The following SEPTIN14 variants were observed in gnomAD, a reference collection of about 807,000 sequenced individuals.
SEPTIN14 encodes the protein septin 14, also known as septin-14.
SEPTIN14 carries 40 observed loss-of-function variants against 53.6 expected under a neutral mutation model. That is an observed-to-expected ratio of 0.75 (90% CI 0.58 to 0.97). SEPTIN14 has a LOEUF of 0.97. Among genes scored for constraint, SEPTIN14 ranks in the 50% least tolerant of loss-of-function variants. The pLI is 0.00. For missense variants in SEPTIN14, 471 were observed against 508.2 expected, an observed-to-expected ratio of 0.93 and a Z score of 0.70; for synonymous variants, 138 against 166.8, an observed-to-expected ratio of 0.83 and a Z score of 1.33.
Position 55,819,272 on chromosome 7 carries a change from T to G in SEPTIN14, c.721-49A>C, listed in dbSNP as rs1788850365. 4.2e-6 allele frequency: 5 copies of G among 1,185,144 alleles called. No homozygotes were observed. In the South Asian group the frequency reaches 6.5e-5, roughly 15 times the overall value. 73.4% of individuals were successfully genotyped at this position (1,185,144 alleles called of 1,614,324 possible). ...TTGAATTCTCTAGCACCATTAGAGC[T>G]TACTCTATTACTCTCATTCCTGTTA... On this transcript the variant is annotated intron_variant, in intron 6 of 9. Coordinates refer to ENST00000388975, the MANE Select transcript of SEPTIN14 (RefSeq NM_207366.3).
chr7:55,838,543 C>T (rs1455089191), intron 5 of SEPTIN14, among the ~76,000 whole-genome samples: 8 of 113,910 alleles, frequency 7.0e-5, no homozygotes, highest in African/African-American at 2.3e-4. Context: ...CTTCCTCCCT[C>T]CCTTCCTTCC....
rs781429154 is a variant in SEPTIN14 at position 55,843,135 on chromosome 7, A to G, written c.372-7T>C. The G allele has an allele frequency of 1.3e-6, 2 of 1,541,024 alleles. No individual in the cohort carries two copies. The highest frequency in any genetic ancestry group is 1.7e-6 in the Non-Finnish European group (2 of 1,146,600). On this transcript the variant is annotated splice_region_variant and splice_polypyrimidine_tract_variant and intron_variant, in intron 4 of 9. Coordinates refer to ENST00000388975, the MANE Select transcript of SEPTIN14 (RefSeq NM_207366.3). ...GTCAACTATTGGTTGGTAGCTAAAA[A>G]AAAATTTATACATTTAGCATAACAG...
chr7:55,813,300 A>C (rs1034261501), intron 7 of SEPTIN14, among the ~76,000 whole-genome samples: 1 of 152,140 alleles, frequency 6.6e-6, no homozygotes, highest in South Asian at 2.1e-4. Context: ...CCCATGCCAG[A>C]GATAGATAGG....
chr7:55,809,483 G>T (rs1325655174), intron 7 of SEPTIN14, among the ~76,000 whole-genome samples: 1 of 151,516 alleles, frequency 6.6e-6, no homozygotes, highest in African/African-American at 2.4e-5. Context: ...AGCCTCTTAA[G>T]TAGCTGGGAT....
At chr7:55,848,373 G>C (rs1789453542) in intron 2 of SEPTIN14, among the ~76,000 whole-genome samples, 1 of 152,054 alleles carries the variant, frequency 6.6e-6, no homozygotes, top group Non-Finnish European at 1.5e-5. Context: ...TGTTGGCCAG[G>C]CTGGTCTCGA....
At chr7:55,839,342 T>C (rs1789266506) in intron 5 of SEPTIN14, among the ~76,000 whole-genome samples, 1 of 150,544 alleles carries the variant, frequency 6.6e-6, no homozygotes, top group South Asian at 2.1e-4. Context: ...TGAGCCGAGA[T>C]TGTGCCACTG....
chr7:55,860,832 CAG>C (rs1354229947), intron 2 of SEPTIN14, among the ~76,000 whole-genome samples: 4 of 152,152 alleles, frequency 2.6e-5, no homozygotes, highest in Non-Finnish European at 4.4e-5. Context: ...ATTTTTGAAG[CAG>C]AGAGTAAGCC....
In SEPTIN14 at chr7:55,794,442, T is replaced by C. The variant is rs1183362404; in HGVS notation, c.*1471A>G. On this transcript the variant is annotated 3_prime_UTR_variant, in exon 10 of 10. Coordinates refer to ENST00000388975, the MANE Select transcript of SEPTIN14 (RefSeq NM_207366.3). ...GCATATGGCATAGCTAATGTACTAT[T>C]GCTGGGTCCATTTATTCAATGAATA... 2.0e-5 allele frequency: 3 copies of C among 152,230 alleles called. No individual in the cohort carries two copies. The highest frequency in any genetic ancestry group is 2.4e-5 in the African/African-American group (1 of 41,458). 9.4% of individuals were successfully genotyped at this position (152,230 alleles called of 1,614,324 possible).
At chr7:55,844,264 TTAAA>T (rs1182993765) in intron 4 of SEPTIN14, among the ~76,000 whole-genome samples, 11 of 152,116 alleles carry the variant, frequency 7.2e-5, no homozygotes, top group Admixed American at 3.9e-4. Flanking sequence ...ACAAATAAAG[TTAAA>T]TAAAGAAATA....
At chr7:55,844,316 AT>A (rs1415580615) in intron 4 of SEPTIN14, among the ~76,000 whole-genome samples, 3 of 152,136 alleles carry the variant, frequency 2.0e-5, no homozygotes, top group Non-Finnish European at 4.4e-5. Context: ...TATATTTAAA[AT>A]TTTTTGCTAT....
At chr7:55,811,144 C>T in intron 7 of SEPTIN14, 1 of 485,600 alleles carries the variant, frequency 2.1e-6, no homozygotes. Flanking sequence ...TCAGCTGTTG[C>T]TGCCTCTTCC....
Position 55,799,518 on chromosome 7 carries a change from C to CAA in SEPTIN14, c.1120-3428_1120-3427dup, listed in dbSNP as rs59445168. ...AGGTGACAGAGCAAGACTCTTGTCTCAAAAAAAAAAAAAAAAAAAAAAAAG... is the reference window on the plus strand; with the variant it reads ...AGGTGACAGAGCAAGACTCTTGTCTCAAAAAAAAAAAAAAAAAAAAAAAAAAG... On this transcript the variant is annotated intron_variant, in intron 9 of 9. Coordinates refer to ENST00000388975, the MANE Select transcript of SEPTIN14 (RefSeq NM_207366.3). Among the ~76,000 whole-genome samples the CAA allele has an allele frequency of 8.4e-3, 526 of 62,306 alleles. 9 individuals are homozygous for CAA. The highest frequency in any genetic ancestry group is 0.021 in the African/African-American group (378 of 18,276). 40.9% of individuals were successfully genotyped at this position (62,306 alleles called of 152,430 possible).
At chr7:55,829,378 CA>C (rs200041942) in intron 6 of SEPTIN14, among the ~76,000 whole-genome samples, 6,024 of 119,586 alleles carry the variant, frequency 0.05, 144 homozygotes, top group Admixed American at 0.073. Context: ...AACTCTGTCT[CA>C]AAAAAAAAAA....
At chr7:55,804,396 T>C (rs1179089445) in intron 9 of SEPTIN14, among the ~76,000 whole-genome samples, 1 of 151,308 alleles carries the variant, frequency 6.6e-6, no homozygotes, top group African/African-American at 2.4e-5. Flanking sequence ...GTAGCTGGAA[T>C]TATAGGCATG....
chr7:55,822,648 G>A (rs536609425), intron 6 of SEPTIN14, among the ~76,000 whole-genome samples: 2 of 152,226 alleles, frequency 1.3e-5, no homozygotes, highest in South Asian at 4.1e-4. Context: ...ATTTAATGGA[G>A]ACAAGATATT....
rs561694761 is a variant in SEPTIN14 at position 55,796,202 on chromosome 7, T to C, written c.1120-110A>G. On this transcript the variant is annotated intron_variant, in intron 9 of 9. Coordinates refer to ENST00000388975, the MANE Select transcript of SEPTIN14 (RefSeq NM_207366.3). Reference sequence around the variant, plus strand: ...AAACCCAAATCATCACAGTAGAGCATGATCTTAATAACAACCTCAAAAACT... The same window carrying C: ...AAACCCAAATCATCACAGTAGAGCACGATCTTAATAACAACCTCAAAAACT... 364 of 692,292 alleles carry C rather than the reference T, an allele frequency of 5.3e-4. 2 individuals carry two copies. Among genetic ancestry groups the C allele is most frequent in the South Asian group, 3.2e-3 (188 of 58,222 alleles). 42.9% of individuals were successfully genotyped at this position (692,292 alleles called of 1,614,324 possible).
intron 1 of SEPTIN14, among the ~76,000 whole-genome samples, chr7:55,862,326 G>C (rs1034516686): frequency 2.0e-5 from 3 of 151,904 alleles, no homozygotes; most frequent in Non-Finnish European, 2.9e-5. Context: ...CTCCATGGTC[G>C]TAAGAAAGGA....
intron 6 of SEPTIN14, among the ~76,000 whole-genome samples, chr7:55,822,529 G>A (rs373527757): frequency 2.0e-4 from 31 of 151,286 alleles, no homozygotes; most frequent in African/African-American, 5.7e-4. Flanking sequence ...TCAAAACAGC[G>A]TGGCATGGGC....
chr7:55,794,040 GA>G lies in SEPTIN14; in HGVS notation c.*1872del, dbSNP rs1391712608. ...GGAAAACCAACACTAATTTTTTTTA[GA>G]AAAAATTATGGAAAATAAAAATATG... On this transcript the variant is annotated 3_prime_UTR_variant, in exon 10 of 10. Transcript: ENST00000388975. The G allele has an allele frequency of 6.6e-6, 1 of 151,754 alleles. No homozygotes were observed. Among genetic ancestry groups the G allele is most frequent in the Admixed American group, 6.6e-5 (1 of 15,220 alleles). 9.4% of individuals were successfully genotyped at this position (151,754 alleles called of 1,614,324 possible).
Sources: gnomAD v4.1 joint callset for allele counts (sites outside exome capture counted in the v4.1 genomes callset) on GRCh38, gnomAD v4.1.1 for gene constraint, MANE v1.5 for transcripts, NCBI Gene and HGNC (gene_info 2026-07-23, HGNC 2026-07-21) for gene names.